TRMT10A: variants seen among roughly 807,000 people sequenced by gnomAD.
TRMT10A encodes the protein tRNA methyltransferase 10 homolog A.
Under a neutral mutation model 40.4 loss-of-function variants are expected in TRMT10A, and 37 were observed. That is an observed-to-expected ratio of 0.92 (90% confidence interval 0.71 to 1.21). The LOEUF (loss-of-function observed/expected upper bound fraction) is 1.21, where lower values mean the gene tolerates loss of function less well. TRMT10A is among the 50% of genes most tolerant of loss of function. The pLI is 0.00. For synonymous variants in TRMT10A, 103 were observed against 134.1 expected (o/e 0.77, Z 1.60); for missense variants, 388 against 404.3 (o/e 0.96, Z 0.35).
At position 99,547,472 on chromosome 4, in the gene TRMT10A, T is replaced by G. The variant is rs1723780677; in HGVS notation, c.*1616A>C. ...AAATTAAACTCTTATTTGGAATGAT[T>G]TTCCCCCTTTCATAATTAAACAGTG... On this transcript the variant is annotated 3_prime_UTR_variant, in exon 8 of 8. Transcript: ENST00000394876. 6.6e-6 allele frequency: 1 copy of G among 152,150 alleles called. No homozygotes were observed. The highest frequency in any genetic ancestry group is 1.5e-5 in the Non-Finnish European group (1 of 68,020). 9.4% of individuals were successfully genotyped at this position (152,150 alleles called of 1,614,324 possible). A position where few individuals can be genotyped will look rare whatever the true frequency, so the allele number is the denominator to read the frequency against.
At chr4:99,551,667 A>C (rs1047482221) in intron 6 of TRMT10A, among the ~76,000 whole-genome samples, 2 of 146,628 alleles carry the variant, frequency 1.4e-5, no homozygotes, top group Non-Finnish European at 3.0e-5. Flanking sequence ...TCCTACTCCT[A>C]AAAAAAAAAA....
intron 6 of TRMT10A, among the ~76,000 whole-genome samples, chr4:99,552,755 C>T (rs10008928): frequency 0.26 from 39,771 of 151,722 alleles, 5,364 homozygotes; most frequent in South Asian, 0.35. Flanking sequence ...TAAAAAAATG[C>T]AGAATATGAA....
Position 99,558,166 on chromosome 4 carries a change from T to C in TRMT10A, c.231A>G (p.Gln77=), listed in dbSNP as rs1433658049. The change falls in exon 3 of 8, where the codon CAA becomes CAG. Residue 77 remains glutamine (Q), a synonymous_variant. Transcript: ENST00000394876. ...EKRKRKKLER[Q]CQMEPNSDGH... is the part of the protein sequence containing the mutation. ...CATCTGAGTTTGGTTCCATTTGACA[T>C]TGTCGCTCTAATTTTTTCCTCTTGC... The C allele has an allele frequency of 2.4e-5, 38 of 1,601,660 alleles. No individual in the cohort carries two copies. Among genetic ancestry groups the C allele is most frequent in the Non-Finnish European group, 2.9e-5 (34 of 1,176,868 alleles).
At position 99,548,054 on chromosome 4, in the gene TRMT10A, G is replaced by A. The variant is rs1254370549; in HGVS notation, c.*1034C>T. 1.3e-5 allele frequency: 2 copies of A among 152,016 alleles called. No homozygotes were observed. The highest frequency in any genetic ancestry group is 6.6e-5 in the Admixed American group (1 of 15,256). The allele number at this position is 152,016 out of a possible 1,614,324, so 9.4% of individuals were successfully genotyped here. A position where few individuals can be genotyped will look rare whatever the true frequency, so the allele number is the denominator to read the frequency against. On this transcript the variant is annotated 3_prime_UTR_variant, in exon 8 of 8. Transcript: ENST00000394876. ...CTTAATAAAATTCAAATTGTTCTTA[G>A]CGTGTTCAACACAACCATTCACACA...
At position 99,559,316 on chromosome 4, in the gene TRMT10A, G is replaced by A. The variant is rs1724291291; in HGVS notation, c.23C>T (p.Ala8Val). The change falls in exon 2 of 8, where the codon GCA (alanine) becomes GTA (valine). Residue 8 changes from alanine (A) to valine (V), a missense_variant. Transcript: ENST00000394876. ...GTCAACATTAGAAGTTTCAATAAAT[G>A]CTGGCAACATTTCAGATGACATTAT... is the stretch of plus-strand genomic sequence containing the variant. MSSEMLPAFIETSNVDKK... is the reference protein window; with the variant it reads MSSEMLPVFIETSNVDKK... 3.1e-6 allele frequency: 5 copies of A among 1,610,784 alleles called. No individual in the cohort carries two copies. Among genetic ancestry groups the A allele is most frequent in the Non-Finnish European group, 3.4e-6 (4 of 1,178,028 alleles).
At chr4:99,556,973 C>T (rs181043545) in intron 4 of TRMT10A, among the ~76,000 whole-genome samples, 14 of 152,282 alleles carry the variant, frequency 9.2e-5, no homozygotes, top group African/African-American at 1.4e-4. Flanking sequence ...ACAGATACCA[C>T]GACATATGTC....
intron 2 of TRMT10A, 33 bp from the exon 3 acceptor site, chr4:99,558,244 TTGTGTA>T: frequency 6.5e-7 from 1 of 1,533,516 alleles, no homozygotes; most frequent in Non-Finnish European, 8.8e-7. Context: ...CATTTTGTTA[TTGTGTA>T]TTCAGTTATT....
intron 1 of TRMT10A, among the ~76,000 whole-genome samples, chr4:99,559,891 A>G (rs998181470): frequency 2.6e-5 from 4 of 152,174 alleles, no homozygotes; most frequent in African/African-American, 9.6e-5. Flanking sequence ...ACGGTTATAC[A>G]TTAAACAAAA....
At chr4:99,549,656 C>A (rs1194157373) in intron 7 of TRMT10A, among the ~76,000 whole-genome samples, 2 of 152,160 alleles carry the variant, frequency 1.3e-5, no homozygotes, top group African/African-American at 4.8e-5. Flanking sequence ...TTTTTAGCCC[C>A]TTCACATCTT....
At position 99,548,944 on chromosome 4, in the gene TRMT10A, T is replaced by A; in HGVS notation, c.*144A>T. On this transcript the variant is annotated 3_prime_UTR_variant, in exon 8 of 8. Coordinates refer to ENST00000394876, the MANE Select transcript of TRMT10A (RefSeq NM_001134665.3). ...TACAAAGTTTAAAGGGCTTTTTTTTTTATTATTATTTAGGTCCAAAAAAAA... is the reference window on the plus strand; with the variant it reads ...TACAAAGTTTAAAGGGCTTTTTTTTATATTATTATTTAGGTCCAAAAAAAA... 2.7e-6 allele frequency: 2 copies of A among 735,746 alleles called. No individual in the cohort carries two copies. Among genetic ancestry groups the A allele is most frequent in the South Asian group, 3.8e-5 (1 of 26,542 alleles). 45.6% of individuals were successfully genotyped at this position (735,746 alleles called of 1,614,324 possible).
Position 99,554,722 on chromosome 4 carries a change from C to CAA in TRMT10A, c.496-790_496-789dup, listed in dbSNP as rs532448105. ...GGTGACAGTGCAAGCGACTACGTTT[C>CAA]AAAAAAAAAAAAAAAAAAAGAAAGA... On this transcript the variant is annotated intron_variant, in intron 5 of 7. Transcript: ENST00000394876. Among the ~76,000 whole-genome samples, 289 of 90,788 alleles carry CAA rather than the reference C, an allele frequency of 3.2e-3. 8 individuals are homozygous for CAA. Among genetic ancestry groups the CAA allele is most frequent in the African/African-American group, 9.5e-3 (225 of 23,736 alleles). The allele number at this position is 90,788 out of a possible 152,430, so 59.6% of individuals were successfully genotyped here. A position where few individuals can be genotyped will look rare whatever the true frequency, so the allele number is the denominator to read the frequency against.
At chr4:99,556,058 G>T in intron 5 of TRMT10A, 88 bp downstream of exon 5, 1 of 1,175,968 alleles carries the variant, frequency 8.5e-7, no homozygotes, top group Non-Finnish European at 1.2e-6. Flanking sequence ...GTATTAAGTA[G>T]CATTATATAG....
chr4:99,560,714 T>C (rs1304070740), intron 1 of TRMT10A, among the ~76,000 whole-genome samples: 1 of 152,184 alleles, frequency 6.6e-6, no homozygotes, highest in African/African-American at 2.4e-5. Context: ...GGATCACTTT[T>C]ATTTTCCTTT....
At position 99,550,924 on chromosome 4, in the gene TRMT10A, C is replaced by A. The variant is rs1239719594; in HGVS notation, c.712G>T (p.Val238Leu). The A allele has an allele frequency of 1.2e-6, 2 of 1,613,298 alleles. No homozygotes were observed. The highest frequency in any genetic ancestry group is 1.7e-6 in the Non-Finnish European group (2 of 1,179,614). The change falls in exon 7 of 8, where the codon GTG becomes TTG. Residue 238 changes from valine (V) to leucine (L), a missense_variant. Val to Leu is a conservative substitution (Grantham distance 32). Transcript: ENST00000394876. ...NHAQLPLGNF[V>L]KMNSRKVLAV... ...AAAACTTTTCGACTATTCATCTTCA[C>A]AAAATTTCCAAGTGGGAGCTGTGCA...
intron 6 of TRMT10A, among the ~76,000 whole-genome samples, chr4:99,551,905 A>G (rs1723979061): frequency 6.6e-6 from 1 of 151,140 alleles, no homozygotes. Flanking sequence ...AAGTTTAAAA[A>G]GTTGAAAAAA....
rs373021121 is a variant in TRMT10A at position 99,553,221 on chromosome 4, C to T, written c.645+564G>A. Among the ~76,000 whole-genome samples, 60 of 152,044 alleles carry T rather than the reference C, an allele frequency of 3.9e-4. No homozygotes were observed. In the East Asian group the frequency reaches 4.8e-3, roughly 12 times the overall value. On this transcript the variant is annotated intron_variant, in intron 6 of 7. Coordinates refer to ENST00000394876, the MANE Select transcript of TRMT10A (RefSeq NM_001134665.3). Reference sequence around the variant, plus strand: ...ACCTAACATACTGGACAAGCAGATACGAAGAATTTTGCATGCTGCAATGTA... The same window carrying T: ...ACCTAACATACTGGACAAGCAGATATGAAGAATTTTGCATGCTGCAATGTA...
At chr4:99,561,287 C>T (rs1724382187) in intron 1 of TRMT10A, among the ~76,000 whole-genome samples, 1 of 151,968 alleles carries the variant, frequency 6.6e-6, no homozygotes, top group Non-Finnish European at 1.5e-5. Flanking sequence ...TTTTAAAGAG[C>T]AATGTAATGT....
At chr4:99,552,635 T>A (rs907216910) in intron 6 of TRMT10A, among the ~76,000 whole-genome samples, 1 of 152,096 alleles carries the variant, frequency 6.6e-6, no homozygotes, top group Non-Finnish European at 1.5e-5. Flanking sequence ...TAAAAAAAAA[T>A]TAAATTTCAA....
chr4:99,558,129 T>G lies in TRMT10A; in HGVS notation c.268A>C (p.Lys90Gln), dbSNP rs753015600. The change falls in exon 3 of 8, where the codon AAA becomes CAA. Residue 90 changes from lysine to glutamine, a missense_variant. Coordinates refer to ENST00000394876, the MANE Select transcript of TRMT10A (RefSeq NM_001134665.3). Reference sequence around the variant, plus strand: ...TGAACAACATCTCTTCGAACACGTTTTCTGTCATGTCCATCTGAGTTTGGT... The same window carrying G: ...TGAACAACATCTCTTCGAACACGTTGTCTGTCATGTCCATCTGAGTTTGGT... ...MEPNSDGHDR[K>Q]RVRRDVVHST... 6.2e-7 allele frequency: 1 copy of G among 1,612,730 alleles called. No individual in the cohort carries two copies. Among genetic ancestry groups the G allele is most frequent in the Non-Finnish European group, 8.5e-7 (1 of 1,179,478 alleles).
Sources: allele counts gnomAD v4.1 joint callset (sites outside exome capture counted in the v4.1 genomes callset), GRCh38; gene constraint gnomAD v4.1.1; transcripts MANE v1.5; gene names NCBI Gene and HGNC (gene_info 2026-07-23, HGNC 2026-07-21).